The following FBXL19 variants were observed in gnomAD, a reference collection of about 807,000 sequenced individuals.
FBXL19 encodes F-box and leucine rich repeat protein 19.
Under a neutral mutation model 71.2 loss-of-function variants are expected in FBXL19, and 16 were observed. The ratio of observed to expected loss-of-function variants is 0.22; its 90% CI spans 0.15 to 0.34. FBXL19 has a LOEUF of 0.34. Among genes scored for constraint, FBXL19 ranks in the 10% least tolerant of loss-of-function variants. FBXL19 has a pLI of 1.00. For missense variants in FBXL19, 658 were observed against 968.2 expected, an observed-to-expected ratio of 0.68 and a Z score of 4.25; for synonymous variants, 447 against 409.4, an observed-to-expected ratio of 1.09 and a Z score of -1.11.
chr16:30,928,335 C>T (rs745988936), intron 5 of FBXL19, 132 bp from the exon 6 acceptor site: 3 of 1,005,860 alleles, frequency 3.0e-6, no homozygotes, highest in Middle Eastern at 2.8e-4. Flanking sequence ...GGTGAGCATG[C>T]TCAGAGTTAT....
At chr16:30,945,806 A>G (rs35939904) in intron 9 of FBXL19, among the ~76,000 whole-genome samples, 28 of 144,174 alleles carry the variant, frequency 1.9e-4, no homozygotes, top group Non-Finnish European at 3.1e-4. Context: ...TGATTGTACC[A>G]CTGCACTCCA....
In FBXL19 at chr16:30,946,604, G is replaced by T; in HGVS notation, c.1628-126G>T. On this transcript the variant is annotated intron_variant, in intron 9 of 10. Coordinates refer to ENST00000338343, the MANE Select transcript of FBXL19 (RefSeq NM_001382779.1). The surrounding 1 kb of genome is among the most constrained non-coding windows in gnomAD (Gnocchi z 6.7). ...CAGGCCATGAGGGTGTTTTTGAGAA[G>T]AGCAAGCCACAGAGTGCACCAGGTC... 1.1e-6 allele frequency: 1 copy of T among 891,032 alleles called. No homozygotes were observed. The allele number at this position is 891,032 out of a possible 1,614,324, so 55.2% of individuals were successfully genotyped here. A position where few individuals can be genotyped will look rare whatever the true frequency, so the allele number is the denominator to read the frequency against.
At position 30,942,365 on chromosome 16, in the gene FBXL19, C is replaced by T; in HGVS notation, c.1466-10C>T. ...ACAGCACCTGCTTCCTGACTGCCCCCTCTCCGCAGGCCTGCAGGAGCTGGT... is the reference window on the plus strand; with the variant it reads ...ACAGCACCTGCTTCCTGACTGCCCCTTCTCCGCAGGCCTGCAGGAGCTGGT... On this transcript the variant is annotated splice_polypyrimidine_tract_variant and intron_variant, in intron 8 of 10. Coordinates refer to ENST00000338343, the MANE Select transcript of FBXL19 (RefSeq NM_001382779.1). The surrounding 1 kb of genome is among the most constrained non-coding windows in gnomAD (Gnocchi z 5.7). The T allele has an allele frequency of 1.2e-6, 2 of 1,607,832 alleles. No individual in the cohort carries two copies. Among genetic ancestry groups the T allele is most frequent in the Non-Finnish European group, 1.7e-6 (2 of 1,176,646 alleles).
At chr16:30,932,220 A>C (rs1312999585) in intron 7 of FBXL19, among the ~76,000 whole-genome samples, 3 of 152,236 alleles carry the variant, frequency 2.0e-5, no homozygotes, top group Non-Finnish European at 2.9e-5. Flanking sequence ...CATTGTAGCC[A>C]GTATTTACTT....
Position 30,930,117 on chromosome 16 carries a change from G to A in FBXL19, c.834G>A (p.Pro278=), listed in dbSNP as rs771156225. ...CCTCTGCAGAGGGCCCAGCGGTGCC[G>A]TCCCCGTCCCCGCAGAGGGAGAAGC... ...PLASAEGPAV[P]SPSPQREKLE... Residue 278 remains proline (P), a synonymous_variant, in exon 7 of 11, where the codon CCG becomes CCA. Coordinates refer to ENST00000338343, the MANE Select transcript of FBXL19 (RefSeq NM_001382779.1). The surrounding 1 kb of genome is among the most constrained non-coding windows in gnomAD (Gnocchi z 8.5). 1.5e-5 allele frequency: 25 copies of A among 1,613,538 alleles called. No individual in the cohort carries two copies. Among genetic ancestry groups the A allele is most frequent in the East Asian group, 8.9e-5 (4 of 44,880 alleles).
At chr16:30,940,422 GAA>G (rs767802078) in intron 7 of FBXL19, among the ~76,000 whole-genome samples, 4 of 124,316 alleles carry the variant, frequency 3.2e-5, no homozygotes, top group Non-Finnish European at 3.5e-5. Context: ...ACTGTCTCAA[GAA>G]AAAAAAAAAA....
intron 7 of FBXL19, among the ~76,000 whole-genome samples, chr16:30,932,668 G>T (rs1206035572): frequency 6.6e-6 from 1 of 151,980 alleles, no homozygotes; most frequent in Non-Finnish European, 1.5e-5. Flanking sequence ...TACAAAGCCC[G>T]CAGCACAGTG....
At chr16:30,922,956 T>G (rs2055539447), upstream of FBXL19, 1 of 427,626 alleles carries the variant, frequency 2.3e-6, no homozygotes, top group African/African-American at 2.0e-5. Context: ...GTCCTCCTGG[T>G]TCCGCCATTC....
chr16:30,946,757 A>AG lies in FBXL19; in HGVS notation c.1660dup (p.Val554GlyfsTer113). The AG allele has an allele frequency of 1.2e-6, 2 of 1,613,276 alleles. No individual in the cohort carries two copies. The highest frequency in any genetic ancestry group is 1.7e-6 in the Non-Finnish European group (2 of 1,179,726). ...CAAACAGAGAGCCGTGGTCGGCTGC[A>AG]GGGGGTGGCAGAACTGCGTCTGGCA... On this transcript the variant is annotated frameshift_variant, in exon 10 of 11. Coordinates refer to ENST00000338343, the MANE Select transcript of FBXL19 (RefSeq NM_001382779.1). LOFTEE classifies it high-confidence loss of function. This position sits in a 1 kb window ranked among gnomAD's most constrained non-coding sequence, Gnocchi z 6.7.
chr16:30,927,892 G>T lies in FBXL19; in HGVS notation c.556G>T (p.Glu186Ter). The stretch of plus-strand genomic sequence containing the variant: ...CCCCCTGCCTGCCGGGCCCCCCCCG[G>T]AGGACGTGCCTGGGCCCCCCAAACG... ...KGPLPAGPPP[E>*]DVPGPPKRKE... Residue 186 changes from glutamate (E) to a stop codon, truncating the protein, a stop_gained, in exon 5 of 11, where the codon GAG becomes TAG. Transcript: ENST00000338343. LOFTEE classifies it high-confidence loss of function. The T allele has an allele frequency of 6.5e-7, 1 of 1,538,528 alleles. No homozygotes were observed. The highest frequency in any genetic ancestry group is 2.4e-5 in the East Asian group (1 of 41,824).
At chr16:30,940,086 A>G (rs1171073441) in intron 7 of FBXL19, among the ~76,000 whole-genome samples, 3 of 152,000 alleles carry the variant, frequency 2.0e-5, no homozygotes, top group East Asian at 1.9e-4. Context: ...GAGAAACCCT[A>G]TCTCTACTAA....
upstream of FBXL19, chr16:30,923,391 C>G (rs985997596): frequency 2.7e-6 from 1 of 365,920 alleles, no homozygotes; most frequent in African/African-American, 2.1e-5. Flanking sequence ...ATTGTTCCCC[C>G]GTAGCATCAG....
intron 7 of FBXL19, among the ~76,000 whole-genome samples, chr16:30,931,448 G>A (rs1325021729): frequency 6.6e-6 from 1 of 152,200 alleles, no homozygotes; most frequent in Non-Finnish European, 1.5e-5. Context: ...TGCAGTAAAC[G>A]AGGCTATCAG....
chr16:30,927,917 GA>G lies in FBXL19; in HGVS notation c.584del (p.Lys195ArgfsTer16). On this transcript the variant is annotated frameshift_variant, in exon 5 of 11. Coordinates refer to ENST00000338343, the MANE Select transcript of FBXL19 (RefSeq NM_001382779.1). LOFTEE classifies it high-confidence loss of function. ...PPEDVPGPPK[R>X]KEREAGNEPP... Reference sequence around the variant, plus strand: ...GAGGACGTGCCTGGGCCCCCCAAACGAAAGGAAAGGGAGGCAGGGAATGAGC... The same window carrying G: ...GAGGACGTGCCTGGGCCCCCCAAACGAAGGAAAGGGAGGCAGGGAATGAGC... The G allele has an allele frequency of 6.5e-7, 1 of 1,544,936 alleles. No homozygotes were observed.
chr16:30,938,741 A>G (rs1264455083), intron 7 of FBXL19, among the ~76,000 whole-genome samples: 2 of 151,870 alleles, frequency 1.3e-5, no homozygotes, highest in Non-Finnish European at 2.9e-5. Flanking sequence ...GGTTCACGCC[A>G]TTCTCCTGCC....
At chr16:30,938,878 CGCCTGCCTCG>C (rs957776131) in intron 7 of FBXL19, among the ~76,000 whole-genome samples, 1 of 149,568 alleles carries the variant, frequency 6.7e-6, no homozygotes, top group Non-Finnish European at 1.5e-5. Flanking sequence ...TCTCGTGATC[CGCCTGCCTCG>C]GCCTCCCAAA....
chr16:30,935,024 G>T (rs910321079), intron 7 of FBXL19, among the ~76,000 whole-genome samples: 4 of 152,192 alleles, frequency 2.6e-5, no homozygotes, highest in Non-Finnish European at 5.9e-5. Context: ...AGTAGAGAAC[G>T]AGGCAGGAGG....
intron 7 of FBXL19, among the ~76,000 whole-genome samples, chr16:30,931,221 C>T (rs948863461): frequency 2.6e-5 from 4 of 152,070 alleles, no homozygotes; most frequent in South Asian, 2.1e-4. Context: ...TCTCTGATCT[C>T]GCCCCCAACA....
rs1567342607 is a variant in FBXL19 at position 30,946,197 on chromosome 16, T to TA, written c.1628-533_1628-532insA. Among the ~76,000 whole-genome samples the TA allele has an allele frequency of 6.6e-6, 1 of 151,922 alleles. No homozygotes were observed. The highest frequency in any genetic ancestry group is 2.4e-5 in the African/African-American group (1 of 41,360). On this transcript the variant is annotated intron_variant, in intron 9 of 10. Coordinates refer to ENST00000338343, the MANE Select transcript of FBXL19 (RefSeq NM_001382779.1). The surrounding 1 kb of genome is among the most constrained non-coding windows in gnomAD (Gnocchi z 6.7). Reference sequence around the variant, plus strand: ...AGAGAGGAGGGGAGGTCACAGACTCTTTTATTTATTTATTTATTTATTTTG... The same window carrying TA: ...AGAGAGGAGGGGAGGTCACAGACTCTATTTATTTATTTATTTATTTATTTTG...
Sources: gnomAD v4.1 joint callset for allele counts (sites outside exome capture counted in the v4.1 genomes callset) on GRCh38, gnomAD v4.1.1 for gene constraint, Gnocchi (gnomAD v3.1) non-coding constraint, MANE v1.5 for transcripts, NCBI Gene and HGNC (gene_info 2026-07-23, HGNC 2026-07-21) for gene names.